Variants in BRWD3 observed in about 807,000 individuals in gnomAD.
The protein encoded by BRWD3 is bromodomain and WD repeat-containing protein 3.
BRWD3 carries 10 observed loss-of-function variants against 149.7 expected under a neutral mutation model. The ratio of observed to expected loss-of-function variants is 0.07; its 90% CI spans 0.04 to 0.11. BRWD3 has a LOEUF of 0.11. BRWD3 is among the 10% of genes least tolerant of loss of function. The pLI is 1.00. For synonymous variants in BRWD3, 504 were observed against 456.7 expected, an observed-to-expected ratio of 1.10 and a Z score of -1.32; for missense variants, 940 against 1,373.2, an observed-to-expected ratio of 0.68 and a Z score of 4.99.
At chrX:80,707,272 G>T (rs749087968) in intron 22 of BRWD3, among the ~76,000 whole-genome samples, 155 bp downstream of exon 22, 9 of 113,270 alleles carry the variant, frequency 7.9e-5, no homozygotes, top group African/African-American at 2.9e-4. Context: ...GGTATTGGGA[G>T]AGCCAGGATC....
intron 20 of BRWD3, chrX:80,710,135 A>G (rs2072939446): frequency 1.8e-6 from 1 of 550,607 alleles, no homozygotes. Context: ...TGGTATCTCA[A>G]TTGCAGGGCT....
chrX:80,749,998 A>C (rs1252952022), intron 6 of BRWD3, among the ~76,000 whole-genome samples: 1 of 112,028 alleles, frequency 8.9e-6, no homozygotes, highest in Non-Finnish European at 1.9e-5. Flanking sequence ...GGGAAAGGAC[A>C]GTTTCTTCAA....
chrX:80,715,920 C>T lies in BRWD3; in HGVS notation c.2325+237G>A, dbSNP rs180673717. On this transcript the variant is annotated intron_variant, in intron 20 of 40. Transcript: ENST00000373275. ...TCATATAAAAATGGTTATTTTAATA[C>T]AAATATCTTACACCTACAATGACCA... Among the ~76,000 whole-genome samples the T allele has an allele frequency of 4.7e-4, 52 of 111,701 alleles. 1 individual carries two copies. The highest frequency in any genetic ancestry group is 1.9e-5 in the Non-Finnish European group (1 of 53,069).
chrX:80,728,156 T>G (rs2073276975), intron 14 of BRWD3, among the ~76,000 whole-genome samples: 1 of 111,918 alleles, frequency 8.9e-6, no homozygotes, highest in Non-Finnish European at 1.9e-5. Flanking sequence ...GCTTATGAAT[T>G]GATAGTTGAA....
At chrX:80,749,571 T>C (rs1234850516) in intron 6 of BRWD3, among the ~76,000 whole-genome samples, 1 of 111,245 alleles carries the variant, frequency 9.0e-6, no homozygotes, top group Non-Finnish European at 1.9e-5. Context: ...AGTCTATGGG[T>C]GTCCTTAGAG....
chrX:80,809,412 C>A, intron 1 of BRWD3, 29 bp downstream of exon 1: 1 of 1,057,141 alleles, frequency 9.5e-7, no homozygotes, highest in South Asian at 2.0e-5. Context: ...TCCCTTAGCA[C>A]CCCCCCACCC....
intron 27 of BRWD3, among the ~76,000 whole-genome samples, chrX:80,693,390 T>C (rs2072638240): frequency 1.8e-5 from 2 of 112,367 alleles, no homozygotes; most frequent in Non-Finnish European, 3.8e-5. Context: ...TCTTCTATCT[T>C]GCTTTTAGCT....
At chrX:80,700,664 G>A (rs924797015) in intron 24 of BRWD3, among the ~76,000 whole-genome samples, 4 of 105,750 alleles carry the variant, frequency 3.8e-5, no homozygotes, top group Non-Finnish European at 7.7e-5. Flanking sequence ...TTGAACCCGG[G>A]AAGCGGAGGT....
Position 80,690,096 on chromosome X carries a change from T to C in BRWD3, c.3603-4A>G. 1 of 1,206,188 alleles carries C rather than the reference T, an allele frequency of 8.3e-7. No individual in the cohort carries two copies. Among genetic ancestry groups the C allele is most frequent in the African/African-American group, 1.7e-5 (1 of 57,490 alleles). On this transcript the variant is annotated splice_polypyrimidine_tract_variant and splice_region_variant and intron_variant, in intron 31 of 40. Transcript: ENST00000373275. The stretch of plus-strand genomic sequence containing the variant: ...CCACATTAATGCTGATATTCTCCTG[T>C]GAAAGAAAAAATACTCTGTTAGCCT...
intron 14 of BRWD3, among the ~76,000 whole-genome samples, chrX:80,726,203 TTA>T (rs1475883938): frequency 2.8e-5 from 3 of 106,219 alleles, no homozygotes; most frequent in African/African-American, 1.0e-4. Flanking sequence ...CGTTTACATG[TTA>T]TATGTCTGTA....
At chrX:80,785,145 A>G (rs1414321373) in intron 6 of BRWD3, among the ~76,000 whole-genome samples, 4 of 112,476 alleles carry the variant, frequency 3.6e-5, no homozygotes, top group African/African-American at 1.3e-4. Context: ...TGATAGTGTA[A>G]GACCTCAAAC....
At chrX:80,764,478 T>C (rs891144480) in intron 6 of BRWD3, among the ~76,000 whole-genome samples, 1 of 109,909 alleles carries the variant, frequency 9.1e-6, no homozygotes, top group East Asian at 2.9e-4. Flanking sequence ...GATAATTTTT[T>C]TTTTTTTTGT....
chrX:80,765,892 G>A (rs1388546990), intron 6 of BRWD3, among the ~76,000 whole-genome samples: 1 of 111,290 alleles, frequency 9.0e-6, no homozygotes, highest in Admixed American at 9.6e-5. Flanking sequence ...ATCTTTATTT[G>A]GAGGATTATT....
At chrX:80,774,068 T>C (rs1260781482) in intron 6 of BRWD3, among the ~76,000 whole-genome samples, 1 of 111,475 alleles carries the variant, frequency 9.0e-6, no homozygotes, top group African/African-American at 3.3e-5. Flanking sequence ...TTGATAAATA[T>C]AAATGCCATA....
At chrX:80,700,282 C>T (rs746840513) in intron 24 of BRWD3, among the ~76,000 whole-genome samples, 1 of 106,688 alleles carries the variant, frequency 9.4e-6, no homozygotes, top group East Asian at 2.9e-4. Flanking sequence ...TAAACACAGT[C>T]CTTTCCCTTC....
At chrX:80,792,460 G>GT (rs1299775570) in intron 5 of BRWD3, among the ~76,000 whole-genome samples, 1 of 111,618 alleles carries the variant, frequency 9.0e-6, no homozygotes, top group Non-Finnish European at 1.9e-5. Flanking sequence ...AAATAGCTGT[G>GT]TTTTTTTCTC....
intron 40 of BRWD3, among the ~76,000 whole-genome samples, chrX:80,678,472 T>TA (rs1208761617): frequency 8.8e-4 from 98 of 110,879 alleles, no homozygotes; most frequent in Admixed American, 7.6e-3. Flanking sequence ...GACATTTTTT[T>TA]AAAAAAAAGA....
intron 3 of BRWD3, 99 bp downstream of exon 3, chrX:80,808,914 C>A (rs1482411878): frequency 2.1e-6 from 2 of 959,249 alleles, no homozygotes; most frequent in Non-Finnish European, 2.9e-6. Context: ...GTACCCAGAT[C>A]GAAGCCTCTA....
intron 4 of BRWD3, among the ~76,000 whole-genome samples, chrX:80,805,755 G>A (rs932168864): frequency 9.0e-6 from 1 of 111,348 alleles, no homozygotes; most frequent in Admixed American, 9.5e-5. Context: ...CCAACATGGC[G>A]AAACCCCGTC....
Sources: gnomAD v4.1 joint callset for allele counts (sites outside exome capture counted in the v4.1 genomes callset) on GRCh38, gnomAD v4.1.1 for gene constraint, MANE v1.5 for transcripts, NCBI Gene and HGNC (gene_info 2026-07-23, HGNC 2026-07-21) for gene names.